CCDC93: variants seen among roughly 807,000 people sequenced by gnomAD.
The protein encoded by CCDC93 is coiled-coil domain-containing protein 93.
In CCDC93, 61 loss-of-function variants were observed where a neutral mutation model predicts 108.2. The ratio of observed to expected loss-of-function variants is 0.56; its 90% confidence interval spans 0.46 to 0.70. The LOEUF is 0.70. Ranked by LOEUF, CCDC93 falls within the 30% of genes least tolerant of loss-of-function variation. The pLI is 0.00. For missense variants in CCDC93, 685 were observed against 764.2 expected (o/e 0.90, Z 1.22); for synonymous variants, 276 against 260.4 (o/e 1.06, Z -0.58).
chr2:117,977,633 C>T (rs571169540), intron 8 of CCDC93, among the ~76,000 whole-genome samples: 3 of 152,336 alleles, frequency 2.0e-5, no homozygotes, highest in African/African-American at 4.8e-5. Flanking sequence ...CAGCTGTGCT[C>T]TACCTAACAT....
At position 117,931,039 on chromosome 2, in the gene CCDC93, C is replaced by T; in HGVS notation, c.1840G>A (p.Glu614Lys). 6.2e-7 allele frequency: 1 copy of T among 1,600,586 alleles called. No homozygotes were observed. Among genetic ancestry groups the T allele is most frequent in the Non-Finnish European group, 8.6e-7 (1 of 1,168,888 alleles). ...GTGCTACCCAGCCTTCCTCTTACCT[C>T]CTTGAACTCTTTCACAGTCTTAAAG... ...LYFKTVKEFK[E>K]EGRKNEMLLS... Residue 614 changes from glutamate to lysine, a missense_variant and splice_region_variant, in exon 23 of 24, where the codon GAG (glutamate) becomes AAG (lysine). Physicochemically the swap from Glu to Lys is moderately conservative, Grantham distance 56. Transcript: ENST00000376300.
At chr2:117,958,194 G>A (rs1472859113) in intron 12 of CCDC93, among the ~76,000 whole-genome samples, 171 bp downstream of exon 12, 1 of 152,166 alleles carries the variant, frequency 6.6e-6, no homozygotes, top group Non-Finnish European at 1.5e-5. Flanking sequence ...AGCAGCCACA[G>A]AAAATGTGTA....
At chr2:117,933,174 T>C (rs1678401633) in intron 22 of CCDC93, among the ~76,000 whole-genome samples, 3 of 152,204 alleles carry the variant, frequency 2.0e-5, no homozygotes, top group Admixed American at 2.0e-4. Context: ...GAATATCACC[T>C]AGATAACCAG....
intron 3 of CCDC93, chr2:118,001,229 A>AT (rs1259079637): frequency 8.4e-6 from 2 of 238,000 alleles, no homozygotes; most frequent in African/African-American, 4.5e-5. Flanking sequence ...AGTCGTTACT[A>AT]TTTTTTAACT....
Position 117,920,390 on chromosome 2 carries a change from G to T in CCDC93, c.1849C>A (p.Arg617Ser), listed in dbSNP as rs779574804. ...KTVKEFKEEG[R>S]KNEMLLSKVK... is the part of the protein sequence containing the mutation. ...TTGGACAGCAGCATCTCGTTCTTGC[G>T]GCCCTCCTGGAGGGAAAGCAGAGAG... is the stretch of plus-strand genomic sequence containing the variant. Residue 617 changes from arginine (R) to serine (S), a missense_variant, in exon 24 of 24, where the codon CGC becomes AGC. Physicochemically the swap from Arg to Ser is moderately radical, Grantham distance 110 (BLOSUM62 -1). Transcript: ENST00000376300. 6.2e-7 allele frequency: 1 copy of T among 1,612,202 alleles called. No homozygotes were observed. Among genetic ancestry groups the T allele is most frequent in the Admixed American group, 1.7e-5 (1 of 59,944 alleles).
chr2:117,985,814 T>C (rs1680299461), intron 7 of CCDC93, among the ~76,000 whole-genome samples, 155 bp downstream of exon 7: 1 of 152,128 alleles, frequency 6.6e-6, no homozygotes, highest in African/African-American at 2.4e-5. Flanking sequence ...CAGAAACAGG[T>C]AATTCATTAC....
intron 22 of CCDC93, among the ~76,000 whole-genome samples, chr2:117,932,179 C>A (rs948335550): frequency 4.6e-5 from 7 of 152,118 alleles, no homozygotes; most frequent in Admixed American, 1.3e-4. Flanking sequence ...GAGAATCAGC[C>A]AGGAAATGAG....
chr2:118,000,572 A>C (rs1680814039), intron 4 of CCDC93, among the ~76,000 whole-genome samples: 1 of 152,204 alleles, frequency 6.6e-6, no homozygotes, highest in Non-Finnish European at 1.5e-5. Flanking sequence ...TTTTACCAAA[A>C]AGGCAATGAA....
At chr2:117,991,803 C>T (rs1680482739) in intron 6 of CCDC93, among the ~76,000 whole-genome samples, 1 of 152,154 alleles carries the variant, frequency 6.6e-6, no homozygotes, top group South Asian at 2.1e-4. Flanking sequence ...TTAAGGATTT[C>T]CTTTCCTTTA....
At chr2:117,945,927 G>A (rs896073581) in intron 16 of CCDC93, among the ~76,000 whole-genome samples, 7 of 152,212 alleles carry the variant, frequency 4.6e-5, no homozygotes, top group African/African-American at 1.7e-4. Context: ...GATGATTTGA[G>A]CTTTAAAGGT....
chr2:118,006,618 T>G, intron 3 of CCDC93, 104 bp downstream of exon 3: 2 of 704,864 alleles, frequency 2.8e-6, no homozygotes, highest in Non-Finnish European at 5.1e-6. Flanking sequence ...TAATAAAAGT[T>G]AAAATAAACT....
rs1678529857 is a variant in CCDC93 at position 117,936,493 on chromosome 2, C to T, written c.1643+209G>A. The T allele has an allele frequency of 2.0e-5, 10 of 512,814 alleles. No individual in the cohort carries two copies. The East Asian group carries it at 2.8e-4, about 14-fold the overall frequency. The allele number at this position is 512,814 out of a possible 1,614,324, so 31.8% of individuals were successfully genotyped here. A position where few individuals can be genotyped will look rare whatever the true frequency, so the allele number is the denominator to read the frequency against. On this transcript the variant is annotated intron_variant, in intron 21 of 23. Coordinates refer to ENST00000376300, the MANE Select transcript of CCDC93 (RefSeq NM_019044.5). ...AGTTAACTTTTTTCGTCAGCTCTTC[C>T]TTCACTCTACTATCATTATAGTTTT... is the stretch of plus-strand genomic sequence containing the variant.
At chr2:117,987,647 T>C (rs1680359576) in intron 6 of CCDC93, among the ~76,000 whole-genome samples, 1 of 152,204 alleles carries the variant, frequency 6.6e-6, no homozygotes, top group African/African-American at 2.4e-5. Context: ...TAACAGATCT[T>C]GAAGGATGCT....
intron 1 of CCDC93, among the ~76,000 whole-genome samples, chr2:118,010,893 G>A (rs1044169261): frequency 1.3e-5 from 2 of 152,028 alleles, no homozygotes; most frequent in African/African-American, 4.8e-5. Flanking sequence ...TCCTGAAATG[G>A]CCACTCTCCT....
At chr2:117,989,181 T>C (rs1043483401) in intron 6 of CCDC93, among the ~76,000 whole-genome samples, 2 of 152,226 alleles carry the variant, frequency 1.3e-5, no homozygotes, top group Admixed American at 6.5e-5. Context: ...GTTGGCATTT[T>C]CCAACCACGG....
chr2:117,955,603 A>G (rs1271532738), intron 12 of CCDC93, among the ~76,000 whole-genome samples: 2 of 152,210 alleles, frequency 1.3e-5, no homozygotes, highest in Non-Finnish European at 2.9e-5. Context: ...AAGCTATGTG[A>G]CTACAGACAG....
intron 7 of CCDC93, among the ~76,000 whole-genome samples, chr2:117,982,122 G>A (rs571083152): frequency 8.1e-6 from 1 of 122,994 alleles, no homozygotes; most frequent in African/African-American, 3.0e-5. Context: ...CTGTTCCTTA[G>A]TATTCAAGGC....
intron 11 of CCDC93, among the ~76,000 whole-genome samples, chr2:117,967,470 T>C (rs998053260): frequency 4.6e-5 from 7 of 152,232 alleles, no homozygotes; most frequent in Non-Finnish European, 1.0e-4. Flanking sequence ...TTTCCGTGGT[T>C]AGTTCCCGGT....
At chr2:117,968,117 T>C (rs1237780425) in intron 11 of CCDC93, among the ~76,000 whole-genome samples, 2 of 152,182 alleles carry the variant, frequency 1.3e-5, no homozygotes, top group African/African-American at 2.4e-5. Flanking sequence ...CAATGAATGA[T>C]TTAGTTGGCA....
Sources: gnomAD v4.1 joint callset for allele counts (sites outside exome capture counted in the v4.1 genomes callset) on GRCh38, gnomAD v4.1.1 for gene constraint, MANE v1.5 for transcripts, NCBI Gene and HGNC (gene_info 2026-07-23, HGNC 2026-07-21) for gene names.